The following JRK variants were observed in gnomAD, a reference collection of about 807,000 sequenced individuals.
The protein encoded by JRK is Jrk helix-turn-helix protein.
For synonymous variants in JRK, 303 were observed against 218.1 expected (o/e 1.39, Z -3.43); for missense variants, 720 against 509.2 (o/e 1.41, Z -3.98).
chr8:142,666,204 G>A lies in JRK; in HGVS notation c.-146C>T. On this transcript the variant is annotated 5_prime_UTR_variant, in exon 2 of 2. Transcript: ENST00000612905. ...CCTGCTCTGCTGATCCTGAGCACAG[G>A]CCCCAGTCCCTCTCGGGTTTCTCAC... 1 of 1,409,850 alleles carries A rather than the reference G, an allele frequency of 7.1e-7. No homozygotes were observed. The highest frequency in any genetic ancestry group is 2.0e-5 in the Admixed American group (1 of 49,338). 87.3% of individuals were successfully genotyped at this position (1,409,850 alleles called of 1,614,324 possible).
At chr8:142,668,539 G>A (rs1370249730) in intron 1 of JRK, among the ~76,000 whole-genome samples, 1 of 151,802 alleles carries the variant, frequency 6.6e-6, no homozygotes, top group Non-Finnish European at 1.5e-5. Context: ...TGAACCCGCT[G>A]TAGAAAAACT....
chr8:142,663,990 A>G lies in JRK; in HGVS notation c.*362T>C. On this transcript the variant is annotated 3_prime_UTR_variant, in exon 2 of 2. Coordinates refer to ENST00000612905, the MANE Select transcript of JRK (RefSeq NM_003724.4). ...CTTCTCTCCACGTGGACAGACTGAC[A>G]TCTCCACCCTCTGATACTGCAATGA... 1.9e-6 allele frequency: 2 copies of G among 1,053,276 alleles called. No individual in the cohort carries two copies. Among genetic ancestry groups the G allele is most frequent in the African/African-American group, 1.7e-5 (1 of 59,962 alleles). The allele number at this position is 1,053,276 out of a possible 1,614,324, so 65.2% of individuals were successfully genotyped here.
intron 1 of JRK, among the ~76,000 whole-genome samples, chr8:142,668,041 G>A (rs1302595622): frequency 2.0e-5 from 3 of 152,228 alleles, no homozygotes; most frequent in African/African-American, 7.2e-5. Context: ...GGGCAGCTCA[G>A]CTGGCCGCCT....
Position 142,660,094 on chromosome 8 carries a change from G to T in JRK, c.*4258C>A. 1.0e-6 allele frequency: 1 copy of T among 985,710 alleles called. No individual in the cohort carries two copies. The highest frequency in any genetic ancestry group is 1.7e-5 in the African/African-American group (1 of 57,364). 61.1% of individuals were successfully genotyped at this position (985,710 alleles called of 1,614,324 possible). A position where few individuals can be genotyped will look rare whatever the true frequency, so the allele number is the denominator to read the frequency against. On this transcript the variant is annotated 3_prime_UTR_variant, in exon 2 of 2. Transcript: ENST00000612905. ...GGCCCTGCGGACAGCCAGGCCTGGG[G>T]TCTACAAGAGCTGGGCAGGGAAGAG...
chr8:142,662,599 C>T lies in JRK; in HGVS notation c.*1753G>A, dbSNP rs185057285. On this transcript the variant is annotated 3_prime_UTR_variant, in exon 2 of 2. Coordinates refer to ENST00000612905, the MANE Select transcript of JRK (RefSeq NM_003724.4). ...TTAAAAACTATTTGGCTTTTATAAT[C>T]TTCACACATGCATTCAAAGCAAGAA... 6.1e-5 allele frequency: 60 copies of T among 985,338 alleles called. No individual in the cohort carries two copies. The highest frequency in any genetic ancestry group is 5.2e-4 in the Middle Eastern group (1 of 1,914). The allele number at this position is 985,338 out of a possible 1,614,324, so 61.0% of individuals were successfully genotyped here.
chr8:142,667,867 A>T (rs1283590015), intron 1 of JRK, among the ~76,000 whole-genome samples: 2 of 152,214 alleles, frequency 1.3e-5, no homozygotes, highest in Admixed American at 6.5e-5. Flanking sequence ...CAACTCTGCG[A>T]AACACCCCAC....
chr8:142,664,277 T>G lies in JRK; in HGVS notation c.*75A>C. ...ACATGCCCTCCTGCCTCAGGTGGGGTCGGGGCACAGGACCATGCCACTCCA... is the reference window on the plus strand; with the variant it reads ...ACATGCCCTCCTGCCTCAGGTGGGGGCGGGGCACAGGACCATGCCACTCCA... On this transcript the variant is annotated 3_prime_UTR_variant, in exon 2 of 2. Coordinates refer to ENST00000612905, the MANE Select transcript of JRK (RefSeq NM_003724.4). The G allele has an allele frequency of 6.8e-7, 1 of 1,461,734 alleles. No individual in the cohort carries two copies. 90.5% of individuals were successfully genotyped at this position (1,461,734 alleles called of 1,614,324 possible). A position where few individuals can be genotyped will look rare whatever the true frequency, so the allele number is the denominator to read the frequency against.
At chr8:142,644,058 G>C in the JRK span, among the ~76,000 whole-genome samples, 2 of 152,234 alleles carry the variant, frequency 1.3e-5, no homozygotes, top group Non-Finnish European at 2.9e-5. Context: ...AGTTGCTGTA[G>C]TTAATTCCTG....
chr8:142,662,465 T>G lies in JRK; in HGVS notation c.*1887A>C. The G allele has an allele frequency of 2.2e-6, 2 of 927,802 alleles. No homozygotes were observed. The highest frequency in any genetic ancestry group is 2.5e-6 in the Non-Finnish European group (2 of 797,952). The allele number at this position is 927,802 out of a possible 1,614,324, so 57.5% of individuals were successfully genotyped here. A position where few individuals can be genotyped will look rare whatever the true frequency, so the allele number is the denominator to read the frequency against. ...ACGTGAGCCCAGAAATGGCACAAAG[T>G]ACATGATGTGCAGAAGTTCCCCAGA... On this transcript the variant is annotated 3_prime_UTR_variant, in exon 2 of 2. Coordinates refer to ENST00000612905, the MANE Select transcript of JRK (RefSeq NM_003724.4).
rs782218305 is a variant in JRK, at chr8:142,664,894, C to T, written c.1165G>A (p.Val389Ile). 7 of 1,195,890 alleles carry T rather than the reference C, an allele frequency of 5.9e-6. No individual in the cohort carries two copies. The highest frequency in any genetic ancestry group is 1.7e-5 in the Admixed American group (1 of 58,676). The allele number at this position is 1,195,890 out of a possible 1,614,324, so 74.1% of individuals were successfully genotyped here. ...RRAWRKLWPSVAFAEGSSSEE... is the reference protein window; with the variant it reads ...RRAWRKLWPSIAFAEGSSSEE... ...GAGGAGGAGCCTTCGGCAAACGCAACCGACGGCCACAGCTTCCTCCAGGCC... is the reference window on the plus strand; with the variant it reads ...GAGGAGGAGCCTTCGGCAAACGCAATCGACGGCCACAGCTTCCTCCAGGCC... The change falls in exon 2 of 2, where the codon GTT (valine) becomes ATT (isoleucine). Residue 389 changes from valine to isoleucine, a missense_variant. Val to Ile is a conservative substitution (Grantham distance 29). Coordinates refer to ENST00000612905, the MANE Select transcript of JRK (RefSeq NM_003724.4).
the JRK span, among the ~76,000 whole-genome samples, chr8:142,651,305 G>A: frequency 2.6e-5 from 4 of 151,832 alleles, no homozygotes; most frequent in African/African-American, 9.7e-5. Context: ...TTACCATATT[G>A]CAGCTAGGAC....
In JRK at chr8:142,660,873, TCCAGCCACTGGGAC is replaced by T. The variant is rs1846893936; in HGVS notation, c.*3465_*3478del. 1 of 985,442 alleles carries T rather than the reference TCCAGCCACTGGGAC, an allele frequency of 1.0e-6. No homozygotes were observed. Among genetic ancestry groups the T allele is most frequent in the Non-Finnish European group, 1.2e-6 (1 of 830,116 alleles). The allele number at this position is 985,442 out of a possible 1,614,324, so 61.0% of individuals were successfully genotyped here. A position where few individuals can be genotyped will look rare whatever the true frequency, so the allele number is the denominator to read the frequency against. ...CAAACCGTGTCCCTCCACAAGCACA[TCCAGCCACTGGGAC>T]CCTGAACCTCCTCCAAATGGACTTT... On this transcript the variant is annotated 3_prime_UTR_variant, in exon 2 of 2. Transcript: ENST00000612905.
Position 142,666,371 on chromosome 8 carries a change from C to G in JRK, c.-313G>C. 2.1e-6 allele frequency: 1 copy of G among 484,792 alleles called. No homozygotes were observed. The highest frequency in any genetic ancestry group is 3.9e-6 in the Non-Finnish European group (1 of 254,318). The allele number at this position is 484,792 out of a possible 1,614,324, so 30.0% of individuals were successfully genotyped here. On this transcript the variant is annotated 5_prime_UTR_variant, in exon 2 of 2. Coordinates refer to ENST00000612905, the MANE Select transcript of JRK (RefSeq NM_003724.4). ...TGTCAGACTCCCCTCTGCTGCTCCACACGGCTGGAACTCCGGCCTTCTCTG... is the reference window on the plus strand; with the variant it reads ...TGTCAGACTCCCCTCTGCTGCTCCAGACGGCTGGAACTCCGGCCTTCTCTG...
downstream of JRK, among the ~76,000 whole-genome samples, chr8:142,656,582 A>AT (rs1846757233): frequency 6.6e-6 from 1 of 152,262 alleles, no homozygotes; most frequent in Admixed American, 6.5e-5. Context: ...TTTTTGGCAT[A>AT]TATCTCCAAT....
In JRK at chr8:142,660,891, G is replaced by C; in HGVS notation, c.*3461C>G. The C allele has an allele frequency of 5.1e-6, 5 of 985,602 alleles. No individual in the cohort carries two copies. The highest frequency in any genetic ancestry group is 6.0e-6 in the Non-Finnish European group (5 of 830,090). 61.1% of individuals were successfully genotyped at this position (985,602 alleles called of 1,614,324 possible). A position where few individuals can be genotyped will look rare whatever the true frequency, so the allele number is the denominator to read the frequency against. ...AAGCACATCCAGCCACTGGGACCCT[G>C]AACCTCCTCCAAATGGACTTTAACT... is the stretch of plus-strand genomic sequence containing the variant. On this transcript the variant is annotated 3_prime_UTR_variant, in exon 2 of 2. Transcript: ENST00000612905.
chr8:142,659,123 G>A lies in JRK; in HGVS notation c.*5229C>T, dbSNP rs782741727. ...AATGAAATAGAAAAAAGGCTGGCCAGGTGCCAAGTCCCAGCTCAAGCCTGG... is the reference window on the plus strand; with the variant it reads ...AATGAAATAGAAAAAAGGCTGGCCAAGTGCCAAGTCCCAGCTCAAGCCTGG... On this transcript the variant is annotated 3_prime_UTR_variant, in exon 2 of 2. Transcript: ENST00000612905. 10 of 1,357,052 alleles carry A rather than the reference G, an allele frequency of 7.4e-6. No individual in the cohort carries two copies. The highest frequency in any genetic ancestry group is 8.5e-6 in the Non-Finnish European group (9 of 1,052,984). 84.1% of individuals were successfully genotyped at this position (1,357,052 alleles called of 1,614,324 possible). A position where few individuals can be genotyped will look rare whatever the true frequency, so the allele number is the denominator to read the frequency against.
Position 142,664,978 on chromosome 8 carries a change from C to G in JRK, c.1081G>C (p.Asp361His). The G allele has an allele frequency of 1.4e-6, 1 of 737,822 alleles. No homozygotes were observed. Among genetic ancestry groups the G allele is most frequent in the Non-Finnish European group, 2.5e-6 (1 of 399,550 alleles). The allele number at this position is 737,822 out of a possible 1,614,324, so 45.7% of individuals were successfully genotyped here. Residue 361 changes from aspartate to histidine, a missense_variant, in exon 2 of 2, where the codon GAT (aspartate) becomes CAT (histidine). Asp to His is a moderately conservative substitution (Grantham distance 81). Transcript: ENST00000612905. ...QGPHARYNMN[D>H]AIFSVACAWN... Reference sequence around the variant, plus strand: ...GCACAGGCCACGCTGAATATGGCATCGTTCATGTTGTAGCGGGCGTGGGGG... The same window carrying G: ...GCACAGGCCACGCTGAATATGGCATGGTTCATGTTGTAGCGGGCGTGGGGG...
At chr8:142,651,786 GTTAATT>G in the JRK span, among the ~76,000 whole-genome samples, 1 of 152,166 alleles carries the variant, frequency 6.6e-6, no homozygotes, top group African/African-American at 2.4e-5. Flanking sequence ...CCAGCTGGCT[GTTAATT>G]TTAACTTTAG....
chr8:142,662,206 A>T lies in JRK; in HGVS notation c.*2146T>A, dbSNP rs1231177263. ...CAGTCAGCACAAGAGCAGATCAAGA[A>T]CGGGAAGAGCTCAGGTCCTGAAGAG... On this transcript the variant is annotated 3_prime_UTR_variant, in exon 2 of 2. Transcript: ENST00000612905. 5.1e-6 allele frequency: 5 copies of T among 985,428 alleles called. No individual in the cohort carries two copies. In the African/African-American group the frequency reaches 8.7e-5, roughly 17 times the overall value. The allele number at this position is 985,428 out of a possible 1,614,324, so 61.0% of individuals were successfully genotyped here. A position where few individuals can be genotyped will look rare whatever the true frequency, so the allele number is the denominator to read the frequency against.
Sources: allele counts gnomAD v4.1 joint callset (sites outside exome capture counted in the v4.1 genomes callset), GRCh38; gene constraint gnomAD v4.1.1; transcripts MANE v1.5; gene names NCBI Gene and HGNC (gene_info 2026-07-23, HGNC 2026-07-21).